DHX35: variants seen among roughly 807,000 people sequenced by gnomAD.
The protein encoded by DHX35 is DEAH-box helicase 35, also known as probable ATP-dependent RNA helicase DHX35.
DHX35 carries 84 observed loss-of-function variants against 99.6 expected under a neutral mutation model. The ratio of observed to expected loss-of-function variants is 0.84; its 90% CI spans 0.71 to 1.01. DHX35 has a LOEUF of 1.01. DHX35 is among the 50% of genes least tolerant of loss of function. The pLI is 0.00. For missense variants in DHX35, 852 were observed against 888.5 expected, an observed-to-expected ratio of 0.96 and a Z score of 0.52; for synonymous variants, 331 against 316.2, an observed-to-expected ratio of 1.05 and a Z score of -0.50.
At chr20:38,962,848 T>A (rs957854760) in intron 1 of DHX35, 1 of 181,770 alleles carries the variant, frequency 5.5e-6, no homozygotes, top group Non-Finnish European at 1.2e-5. Flanking sequence ...TGCCTTGTAG[T>A]AGGGTGACCT....
chr20:38,983,570 A>C (rs146141776), intron 3 of DHX35, 129 bp from the exon 4 acceptor site: 323 of 643,644 alleles, frequency 5.0e-4, no homozygotes, highest in Non-Finnish European at 7.3e-4. Flanking sequence ...TAATTCCCAA[A>C]GTTCTGCTGG....
chr20:39,010,404 G>A lies in DHX35; in HGVS notation c.1347G>A (p.Ser449=), dbSNP rs752005110. ...ATGTCCTCAGGTTCCACTTCATGTCGGTAAGTCCTGCCTGCTGTCTGGGGC... is the reference window on the plus strand; with the variant it reads ...ATGTCCTCAGGTTCCACTTCATGTCAGTAAGTCCTGCCTGCTGTCTGGGGC... ...IDNVLRFHFM[S]PPPAQSMVQA... The change falls in exon 13 of 22, where the codon TCG becomes TCA. Residue 449 remains serine (S), a splice_region_variant and synonymous_variant. Coordinates refer to ENST00000252011, the MANE Select transcript of DHX35 (RefSeq NM_021931.4). 1.3e-5 allele frequency: 21 copies of A among 1,613,762 alleles called. No individual in the cohort carries two copies. In the South Asian group the frequency reaches 1.3e-4, roughly 10 times the overall value.
At chr20:38,971,955 T>C (rs750856864) in intron 2 of DHX35, among the ~76,000 whole-genome samples, 19 of 151,896 alleles carry the variant, frequency 1.3e-4, no homozygotes, top group Non-Finnish European at 2.6e-4. Context: ...TGTACACATA[T>C]AGTATGTAGC....
chr20:38,965,247 C>T (rs1222654193), intron 1 of DHX35, among the ~76,000 whole-genome samples: 2 of 152,244 alleles, frequency 1.3e-5, no homozygotes, highest in African/African-American at 4.8e-5. Flanking sequence ...CTTTCATTTA[C>T]ACATCTTATT....
rs2087199333 is a variant in DHX35, at chr20:39,038,842, G to T, written c.*299G>T. 2.2e-6 allele frequency: 1 copy of T among 463,466 alleles called. No individual in the cohort carries two copies. The highest frequency in any genetic ancestry group is 2.0e-5 in the African/African-American group (1 of 50,788). The allele number at this position is 463,466 out of a possible 1,614,324, so 28.7% of individuals were successfully genotyped here. Reference sequence around the variant, plus strand: ...GCATGCCACTTCCAGCAGGCATGCAGTCCTGGCCCAGCTCTATGGGAAACA... The same window carrying T: ...GCATGCCACTTCCAGCAGGCATGCATTCCTGGCCCAGCTCTATGGGAAACA... On this transcript the variant is annotated 3_prime_UTR_variant, in exon 22 of 22. Coordinates refer to ENST00000252011, the MANE Select transcript of DHX35 (RefSeq NM_021931.4).
intron 11 of DHX35, among the ~76,000 whole-genome samples, chr20:39,004,155 C>T (rs569717756): frequency 2.8e-4 from 42 of 152,214 alleles, no homozygotes; most frequent in Admixed American, 1.2e-3. Context: ...CTCTGCCTCC[C>T]GGGTTCACGC....
intron 13 of DHX35, among the ~76,000 whole-genome samples, chr20:39,012,824 C>T (rs953627288): frequency 3.9e-5 from 6 of 152,138 alleles, no homozygotes; most frequent in African/African-American, 4.8e-5. Flanking sequence ...AGCCACTGTG[C>T]GCAGTTGACT....
At chr20:38,995,300 G>A (rs984578006) in intron 8 of DHX35, among the ~76,000 whole-genome samples, 3 of 152,144 alleles carry the variant, frequency 2.0e-5, no homozygotes, top group Non-Finnish European at 4.4e-5. Flanking sequence ...TGAGGTGGGT[G>A]GATCACTTGA....
chr20:38,962,468 G>C (rs1407276859), intron 1 of DHX35, 61 bp downstream of exon 1: 14 of 1,580,026 alleles, frequency 8.9e-6, no homozygotes, highest in Non-Finnish European at 1.2e-5. Context: ...TTGGCGCCGC[G>C]GCCGGCGCCC....
At chr20:38,963,201 G>A (rs930807658) in intron 1 of DHX35, among the ~76,000 whole-genome samples, 1 of 152,174 alleles carries the variant, frequency 6.6e-6, no homozygotes, top group Non-Finnish European at 1.5e-5. Context: ...CGTACTAGAT[G>A]CATTACTTCC....
chr20:39,009,105 C>G lies in DHX35; in HGVS notation c.1223-1175C>G, dbSNP rs1220318886. 2.0e-5 allele frequency among the ~76,000 whole-genome samples: 3 copies of G among 152,318 alleles called. No homozygotes were observed. The East Asian group carries it at 5.8e-4, about 29-fold the overall frequency. ...TCAGGAGAGCTTGCCTGTCATTGAACTTTTAGGAAACACCCACTTCCTGTG... is the reference window on the plus strand; with the variant it reads ...TCAGGAGAGCTTGCCTGTCATTGAAGTTTTAGGAAACACCCACTTCCTGTG... On this transcript the variant is annotated intron_variant, in intron 12 of 21. Coordinates refer to ENST00000252011, the MANE Select transcript of DHX35 (RefSeq NM_021931.4).
rs1568722692 is a variant in DHX35, at chr20:38,982,924, A to AT, written c.268-775_268-774insT. On this transcript the variant is annotated intron_variant, in intron 3 of 21. Transcript: ENST00000252011. ...TAACTCAGATAAATACACTTAATCA[A>AT]ATTTTTTTTTTTTTTTTTTGAGACA... Among the ~76,000 whole-genome samples the AT allele has an allele frequency of 1.4e-4, 21 of 150,190 alleles. 2 individuals are homozygous for AT. The highest frequency in any genetic ancestry group is 4.8e-4 in the African/African-American group (19 of 39,780).
intron 1 of DHX35, among the ~76,000 whole-genome samples, chr20:38,967,940 C>A (rs921251297): frequency 6.6e-6 from 1 of 152,092 alleles, no homozygotes; most frequent in East Asian, 1.9e-4. Flanking sequence ...TCCCCCACCC[C>A]CCATTACAAC....
chr20:38,966,105 C>A (rs866067848), intron 1 of DHX35, among the ~76,000 whole-genome samples: 1 of 152,006 alleles, frequency 6.6e-6, no homozygotes, highest in African/African-American at 2.4e-5. Flanking sequence ...TAATGGGTCA[C>A]CAGTAAAATT....
intron 3 of DHX35, among the ~76,000 whole-genome samples, chr20:38,981,975 C>T (rs2086181529): frequency 6.6e-6 from 1 of 150,852 alleles, no homozygotes; most frequent in Non-Finnish European, 1.5e-5. Flanking sequence ...AAATCATGAT[C>T]CGGATGCTAG....
rs1343779036 is a variant in DHX35 at position 39,006,201 on chromosome 20, A to G, written c.1067A>G (p.Tyr356Cys). Residue 356 changes from tyrosine (Y) to cysteine (C), a missense_variant, in exon 12 of 22, where the codon TAT (tyrosine) becomes TGT (cysteine). Physicochemically the swap from Tyr to Cys is radical, Grantham distance 194. Transcript: ENST00000252011. Reference sequence around the variant, plus strand: ...TCTATCACAATCAGCGGCATTGTGTATGTGATCGACTGTGGCTTTGTGAAA... The same window carrying G: ...TCTATCACAATCAGCGGCATTGTGTGTGTGATCGACTGTGGCTTTGTGAAA... ...ETSITISGIV[Y>C]VIDCGFVKLR... The G allele has an allele frequency of 1.1e-5, 18 of 1,614,172 alleles. No homozygotes were observed. The highest frequency in any genetic ancestry group is 1.4e-5 in the Non-Finnish European group (17 of 1,180,030).
intron 12 of DHX35, among the ~76,000 whole-genome samples, chr20:39,008,867 C>G (rs1023878520): frequency 9.2e-5 from 14 of 152,232 alleles, no homozygotes; most frequent in African/African-American, 3.4e-4. Flanking sequence ...CATGCAGCTT[C>G]CCTGGAGGCC....
intron 3 of DHX35, among the ~76,000 whole-genome samples, chr20:38,974,716 G>T (rs1027096878): frequency 8.5e-5 from 13 of 152,298 alleles, no homozygotes; most frequent in Admixed American, 7.2e-4. Context: ...TAACTGAGAA[G>T]AGGATTAAGG....
chr20:39,038,500 A>G lies in DHX35; in HGVS notation c.2069A>G (p.His690Arg), dbSNP rs750017548. Residue 690 changes from histidine to arginine, a missense_variant and splice_region_variant, in exon 22 of 22, where the codon CAC (histidine) becomes CGC (arginine). Transcript: ENST00000252011. ...LAPHFYQQGT[H>R]LSLKAKRAKV... ...GTAGTGTCTTCTCTTCTGTTGCAGC[A>G]CCTGTCTCTGAAAGCCAAAAGGGCC... 6.2e-7 allele frequency: 1 copy of G among 1,613,538 alleles called. No homozygotes were observed. Among genetic ancestry groups the G allele is most frequent in the South Asian group, 1.1e-5 (1 of 91,074 alleles).
Sources: gnomAD v4.1 joint callset for allele counts (sites outside exome capture counted in the v4.1 genomes callset) on GRCh38, gnomAD v4.1.1 for gene constraint, MANE v1.5 for transcripts, NCBI Gene and HGNC (gene_info 2026-07-23, HGNC 2026-07-21) for gene names.